Variants in STPG4 observed in about 807,000 individuals in gnomAD.
The protein encoded by STPG4 is sperm-tail PG-rich repeat containing 4.
Under a neutral mutation model 31.5 loss-of-function variants are expected in STPG4, and 41 were observed. That is an observed-to-expected ratio of 1.30 (90% CI 1.01 to 1.69). The LOEUF (loss-of-function observed/expected upper bound fraction) is 1.69. Ranked by LOEUF, STPG4 falls within the 40% of genes most tolerant of loss-of-function variation. The pLI, the probability that STPG4 is intolerant of heterozygous loss-of-function variation, is 0.00. For synonymous variants in STPG4, 141 were observed against 103.0 expected (o/e 1.37, Z -2.24); for missense variants, 375 against 293.4 (o/e 1.28, Z -2.03).
intron 3 of STPG4, among the ~76,000 whole-genome samples, chr2:47,135,862 A>G (rs1686586095): frequency 6.6e-6 from 1 of 152,146 alleles, no homozygotes; most frequent in African/African-American, 2.4e-5. Context: ...TTCTTTGCCA[A>G]TATAATACTC....
chr2:47,129,780 A>G, intron 5 of STPG4, 161 bp downstream of exon 5: 1 of 836,128 alleles, frequency 1.2e-6, no homozygotes, highest in East Asian at 2.8e-5. Context: ...TGGTTCTTAC[A>G]GAGGTGTTTT....
At chr2:47,142,836 C>CTTTTTTTTTTTTTT (rs10686388) in intron 3 of STPG4, among the ~76,000 whole-genome samples, 1 of 73,836 alleles carries the variant, frequency 1.4e-5, no homozygotes, top group African/African-American at 5.5e-5. Context: ...TTTATCTCAT[C>CTTTTTTTTTTTTTT]TTTTTTTTTT....
At position 47,101,541 on chromosome 2, in the gene STPG4, C is replaced by T. The variant is rs559967380; in HGVS notation, c.520-11167G>A. ...TTAGTCCCGCTTCTAAAAATTGCTA[C>T]CTGTCTCTGGTGCTTTTTTAGTTTC... On this transcript the variant is annotated intron_variant, in intron 5 of 6. Coordinates refer to ENST00000445927, the MANE Select transcript of STPG4 (RefSeq NM_001163561.2). Among the ~76,000 whole-genome samples, 19 of 151,928 alleles carry T rather than the reference C, an allele frequency of 1.3e-4. No homozygotes were observed. In the South Asian group the frequency reaches 4.0e-3, roughly 32 times the overall value.
intron 5 of STPG4, among the ~76,000 whole-genome samples, chr2:47,093,570 G>A (rs775843032): frequency 2.0e-5 from 3 of 152,128 alleles, no homozygotes; most frequent in Admixed American, 6.5e-5. Context: ...GCTAAGGAGC[G>A]ACCTGCCCCT....
chr2:47,155,156 G>C lies in STPG4; in HGVS notation c.81+15C>G, dbSNP rs1334931709. 5.6e-6 allele frequency: 9 copies of C among 1,612,464 alleles called. No individual in the cohort carries two copies. The highest frequency in any genetic ancestry group is 1.1e-5 in the South Asian group (1 of 91,010). On this transcript the variant is annotated intron_variant, in intron 1 of 6. Transcript: ENST00000445927. The stretch of plus-strand genomic sequence containing the variant: ...GGGAGCAGGAGCCAGGCCGGCAAGG[G>C]GCAGGCCATCTTACCGAAGCTGTGA...
chr2:47,117,148 C>T (rs1686168611), intron 5 of STPG4, among the ~76,000 whole-genome samples: 1 of 152,172 alleles, frequency 6.6e-6, no homozygotes, highest in African/African-American at 2.4e-5. Context: ...GGAAGCTTAT[C>T]AAGCAAATGT....
At chr2:47,145,543 A>G (rs1033030725) in intron 3 of STPG4, among the ~76,000 whole-genome samples, 2 of 152,236 alleles carry the variant, frequency 1.3e-5, no homozygotes, top group African/African-American at 4.8e-5. Context: ...CAGAAGCCAA[A>G]GCAAACCTTA....
intron 6 of STPG4, among the ~76,000 whole-genome samples, chr2:47,089,564 G>C (rs1236945024): frequency 1.3e-5 from 2 of 152,004 alleles, no homozygotes; most frequent in Non-Finnish European, 2.9e-5. Context: ...TCTCAAATGA[G>C]TCTACATACC....
chr2:47,133,627 G>A (rs1414411563), intron 3 of STPG4, among the ~76,000 whole-genome samples: 11 of 131,426 alleles, frequency 8.4e-5, no homozygotes, highest in African/African-American at 3.1e-4. Context: ...GCCCAGGCTG[G>A]AGTGCAATGG....
intron 5 of STPG4, among the ~76,000 whole-genome samples, chr2:47,120,552 G>A (rs1233436806): frequency 2.4e-5 from 3 of 124,888 alleles, no homozygotes; most frequent in African/African-American, 8.4e-5. Context: ...GGGCGAAAGA[G>A]CAAGACTCCG....
At position 47,151,438 on chromosome 2, in the gene STPG4, G is replaced by A. The variant is rs767821210; in HGVS notation, c.219C>T (p.Tyr73=). ...ESLLNPVIAT[Y]NFKNEGRKKP... ...TTTTCCTTCCTTCGTTTTTAAAATT[G>A]TAGGTTGCTATCACTGGATTTAATA... Residue 73 remains tyrosine, a synonymous_variant, in exon 3 of 7, where the codon TAC becomes TAT. Coordinates refer to ENST00000445927, the MANE Select transcript of STPG4 (RefSeq NM_001163561.2). 7.4e-6 allele frequency: 12 copies of A among 1,614,110 alleles called. No individual in the cohort carries two copies. The highest frequency in any genetic ancestry group is 1.6e-4 in the Middle Eastern group (1 of 6,062).
At chr2:47,113,876 T>A (rs561021366) in intron 5 of STPG4, among the ~76,000 whole-genome samples, 63 of 151,584 alleles carry the variant, frequency 4.2e-4, no homozygotes, top group Non-Finnish European at 7.5e-4. Context: ...CTACTAAAAA[T>A]ACAAAAAATT....
At chr2:47,111,925 G>T (rs1297051912) in intron 5 of STPG4, among the ~76,000 whole-genome samples, 1 of 152,166 alleles carries the variant, frequency 6.6e-6, no homozygotes, top group African/African-American at 2.4e-5. Flanking sequence ...TACACTGGGG[G>T]ACAAAATATA....
intron 3 of STPG4, among the ~76,000 whole-genome samples, chr2:47,130,640 G>A (rs375959095): frequency 9.2e-5 from 14 of 151,862 alleles, no homozygotes; most frequent in African/African-American, 2.9e-4. Flanking sequence ...TCACCCTCCC[G>A]AGTAGCTGGG....
chr2:47,155,072 G>T lies in STPG4; in HGVS notation c.81+99C>A, dbSNP rs373796982. ...AGAGAAGGGTAGGAAGAGGGAACGA[G>T]AGCGGCACGAAGGCCTGGGATTAGA... On this transcript the variant is annotated intron_variant, in intron 1 of 6. Coordinates refer to ENST00000445927, the MANE Select transcript of STPG4 (RefSeq NM_001163561.2). 42 of 1,122,294 alleles carry T rather than the reference G, an allele frequency of 3.7e-5. No homozygotes were observed. In the East Asian group the frequency reaches 5.4e-4, roughly 15 times the overall value. The allele number at this position is 1,122,294 out of a possible 1,614,324, so 69.5% of individuals were successfully genotyped here.
intron 5 of STPG4, among the ~76,000 whole-genome samples, chr2:47,118,303 G>T (rs1686192828): frequency 6.6e-6 from 1 of 152,116 alleles, no homozygotes. Flanking sequence ...CACATGCAAG[G>T]GATCTAGGTT....
intron 3 of STPG4, among the ~76,000 whole-genome samples, chr2:47,139,779 T>G (rs906250330): frequency 6.6e-6 from 1 of 152,124 alleles, no homozygotes; most frequent in Non-Finnish European, 1.5e-5. Context: ...GTCTTTTAAT[T>G]GGTGTAGTTA....
intron 5 of STPG4, among the ~76,000 whole-genome samples, chr2:47,093,241 C>T (rs1413724659): frequency 6.6e-6 from 1 of 152,194 alleles, no homozygotes; most frequent in East Asian, 1.9e-4. Flanking sequence ...ATAGATGCCC[C>T]TCATCATTTT....
chr2:47,120,033 T>C (rs1686235314), intron 5 of STPG4, among the ~76,000 whole-genome samples: 2 of 152,082 alleles, frequency 1.3e-5, no homozygotes, highest in East Asian at 3.8e-4. Context: ...AGGCTTGGTT[T>C]AAAAATTGGG....
Sources: gnomAD v4.1 joint callset for allele counts (sites outside exome capture counted in the v4.1 genomes callset) on GRCh38, gnomAD v4.1.1 for gene constraint, MANE v1.5 for transcripts, NCBI Gene and HGNC (gene_info 2026-07-23, HGNC 2026-07-21) for gene names.